MTMR7: variants seen among roughly 807,000 people sequenced by gnomAD.
MTMR7 encodes the protein myotubularin related protein 7.
MTMR7 carries 76 observed loss-of-function variants against 81.2 expected under a neutral mutation model. That is an observed-to-expected ratio of 0.94 (90% CI 0.78 to 1.13). The LOEUF is 1.13. Ranked by LOEUF, MTMR7 falls within the 50% of genes most tolerant of loss-of-function variation. The pLI, the probability that MTMR7 is intolerant of heterozygous loss-of-function variation, is 0.00. For missense variants in MTMR7, 1,044 were observed against 820.0 expected, an observed-to-expected ratio of 1.27 and a Z score of -3.34; for synonymous variants, 372 against 289.8, an observed-to-expected ratio of 1.28 and a Z score of -2.88.
At chr8:17,385,609 A>C (rs1426160968) in intron 1 of MTMR7, among the ~76,000 whole-genome samples, 1 of 152,164 alleles carries the variant, frequency 6.6e-6, no homozygotes, top group Non-Finnish European at 1.5e-5. Flanking sequence ...TAAATTACCC[A>C]ATCGCGGGTA....
chr8:17,322,469 C>T lies in MTMR7; in HGVS notation c.865+8681G>A, dbSNP rs553688511. Among the ~76,000 whole-genome samples the T allele has an allele frequency of 2.6e-5, 4 of 152,228 alleles. No homozygotes were observed. The South Asian group carries it at 8.3e-4, about 32-fold the overall frequency. On this transcript the variant is annotated intron_variant, in intron 7 of 13. Transcript: ENST00000180173. ...GTAACCTGTACTATCCTAGGTTTAACACGTGGTAAGGAAAAGTGAGTATTA... is the reference window on the plus strand; with the variant it reads ...GTAACCTGTACTATCCTAGGTTTAATACGTGGTAAGGAAAAGTGAGTATTA...
At chr8:17,366,998 GT>G (rs1211700964) in intron 3 of MTMR7, among the ~76,000 whole-genome samples, 1 of 132,586 alleles carries the variant, frequency 7.5e-6, no homozygotes, top group African/African-American at 3.4e-5. Context: ...CACCTTATCT[GT>G]CTTGTTTTAA....
At chr8:17,350,566 G>A (rs983972489) in intron 4 of MTMR7, among the ~76,000 whole-genome samples, 9 of 152,132 alleles carry the variant, frequency 5.9e-5, no homozygotes, top group African/African-American at 1.9e-4. Flanking sequence ...TGGGAGCTAC[G>A]ATCTAAGATG....
At chr8:17,406,610 A>C (rs1821590589) in intron 1 of MTMR7, among the ~76,000 whole-genome samples, 1 of 150,852 alleles carries the variant, frequency 6.6e-6, no homozygotes, top group Non-Finnish European at 1.5e-5. Context: ...AAGTTGCTAT[A>C]CGATTCACCA....
intron 6 of MTMR7, among the ~76,000 whole-genome samples, chr8:17,333,087 A>G (rs905818267): frequency 2.0e-5 from 3 of 152,116 alleles, no homozygotes; most frequent in African/African-American, 7.2e-5. Flanking sequence ...GCTGGCAGAC[A>G]CCTCACATTT....
At chr8:17,309,623 A>G (rs1010791017) in intron 9 of MTMR7, among the ~76,000 whole-genome samples, 2 of 152,190 alleles carry the variant, frequency 1.3e-5, no homozygotes, top group Non-Finnish European at 1.5e-5. Context: ...ATGATCTCTA[A>G]CTGTAGGATA....
intron 1 of MTMR7, among the ~76,000 whole-genome samples, chr8:17,410,584 AC>A (rs1563387090): frequency 6.6e-6 from 1 of 152,164 alleles, no homozygotes; most frequent in Non-Finnish European, 1.5e-5. Flanking sequence ...TGTCCTTGGA[AC>A]TTTTTTTTCC....
At chr8:17,343,245 G>A (rs906705058) in intron 5 of MTMR7, among the ~76,000 whole-genome samples, 1 of 152,078 alleles carries the variant, frequency 6.6e-6, no homozygotes, top group African/African-American at 2.4e-5. Flanking sequence ...TGTCCAACAT[G>A]GTGAAACCCC....
chr8:17,403,816 T>G (rs1464562927), intron 1 of MTMR7, among the ~76,000 whole-genome samples: 1 of 152,216 alleles, frequency 6.6e-6, no homozygotes, highest in Non-Finnish European at 1.5e-5. Context: ...CCTAGGTATT[T>G]TATATTATTT....
At chr8:17,321,085 G>A (rs2150508877) in intron 7 of MTMR7, among the ~76,000 whole-genome samples, 1 of 152,244 alleles carries the variant, frequency 6.6e-6, no homozygotes, top group South Asian at 2.1e-4. Flanking sequence ...TAAGTTCAGG[G>A]GGCCTGAGGA....
Position 17,305,982 on chromosome 8 carries a change from T to C in MTMR7, c.1152-25A>G, listed in dbSNP as rs779636235. ...TCTATAAAACAAAGCATTAGAGACT[T>C]TTTAAGGCAGATTTATTTTTAAAGT... On this transcript the variant is annotated intron_variant, in intron 10 of 13. Transcript: ENST00000180173. The C allele has an allele frequency of 1.8e-5, 28 of 1,554,846 alleles. 1 individual carries two copies. The South Asian group carries it at 3.1e-4, about 17-fold the overall frequency.
chr8:17,303,626 T>A (rs1817268080), intron 12 of MTMR7, among the ~76,000 whole-genome samples: 1 of 119,736 alleles, frequency 8.4e-6, no homozygotes, highest in Non-Finnish European at 1.7e-5. Flanking sequence ...TTTTTTTTTT[T>A]GAGATGGAGT....
intron 4 of MTMR7, among the ~76,000 whole-genome samples, chr8:17,352,846 TG>T (rs1280908894): frequency 1.3e-5 from 2 of 152,152 alleles, no homozygotes; most frequent in East Asian, 3.9e-4. Context: ...GCACTGTGGA[TG>T]GGGATATAAA....
intron 1 of MTMR7, among the ~76,000 whole-genome samples, chr8:17,378,683 G>C (rs553225426): frequency 2.0e-5 from 3 of 152,198 alleles, no homozygotes; most frequent in African/African-American, 7.2e-5. Flanking sequence ...CTATGCAAAA[G>C]ATATTACACT....
At chr8:17,329,821 C>T (rs943625428) in intron 7 of MTMR7, among the ~76,000 whole-genome samples, 1 of 152,166 alleles carries the variant, frequency 6.6e-6, no homozygotes, top group Non-Finnish European at 1.5e-5. Context: ...CTCAAATAAT[C>T]ATGCCCAGGG....
chr8:17,336,794 C>T (rs1025757946), intron 6 of MTMR7, among the ~76,000 whole-genome samples: 7 of 152,190 alleles, frequency 4.6e-5, no homozygotes, highest in Admixed American at 1.3e-4. Context: ...CTGGGAGGTT[C>T]TCTGGCCTCG....
intron 1 of MTMR7, among the ~76,000 whole-genome samples, chr8:17,411,504 T>C (rs769265841): frequency 1.3e-5 from 2 of 152,212 alleles, no homozygotes; most frequent in African/African-American, 2.4e-5. Context: ...TAAATGCTTG[T>C]AGAATAAAAT....
chr8:17,377,902 G>T (rs1208049074), intron 1 of MTMR7, among the ~76,000 whole-genome samples: 1 of 152,118 alleles, frequency 6.6e-6, no homozygotes, highest in Admixed American at 6.6e-5. Context: ...GAAAGTATGG[G>T]AGGAGAAAAA....
rs1285232350 is a variant in MTMR7, at chr8:17,305,833, G to T, written c.1276C>A (p.His426Asn). ...CAGGAATAAATGTGATGTTGAATGT[G>T]AATCAAAAACCTCTCATTGAACTCA... is the stretch of plus-strand genomic sequence containing the variant. ...AFEFNERFLI[H>N]IQHHIYSCQF... Residue 426 changes from histidine to asparagine, a missense_variant, in exon 11 of 14, where the codon CAC becomes AAC. His to Asn is a moderately conservative substitution (Grantham distance 68). Transcript: ENST00000180173. The T allele has an allele frequency of 1.2e-6, 2 of 1,613,586 alleles. No individual in the cohort carries two copies. The highest frequency in any genetic ancestry group is 2.2e-5 in the East Asian group (1 of 44,824).
Sources: gnomAD v4.1 joint callset for allele counts (sites outside exome capture counted in the v4.1 genomes callset) on GRCh38, gnomAD v4.1.1 for gene constraint, MANE v1.5 for transcripts, NCBI Gene and HGNC (gene_info 2026-07-23, HGNC 2026-07-21) for gene names.